The following PLD1 variants were observed in gnomAD, a reference collection of about 807,000 sequenced individuals.
PLD1 encodes the protein phospholipase D1.
PLD1 carries 112 observed loss-of-function variants against 137.1 expected under a neutral mutation model. That is an observed-to-expected ratio of 0.82 (90% CI 0.70 to 0.96). The LOEUF (loss-of-function observed/expected upper bound fraction) is 0.96. Among genes scored for constraint, PLD1 ranks in the 40% least tolerant of loss-of-function variants. The probability of loss-of-function intolerance (pLI) is 0.00; values close to 1 mark genes in which losing one functional copy is unlikely to be tolerated. For missense variants in PLD1, 1,321 were observed against 1,342.0 expected (o/e 0.98, Z 0.24); for synonymous variants, 431 against 454.7 (o/e 0.95, Z 0.66).
intron 1 of PLD1, among the ~76,000 whole-genome samples, chr3:171,763,759 C>A (rs1039084855): frequency 2.0e-5 from 3 of 149,946 alleles, no homozygotes; most frequent in Non-Finnish European, 4.4e-5. Context: ...TAAGCCAATT[C>A]AAATCCTTGG....
intron 12 of PLD1, among the ~76,000 whole-genome samples, chr3:171,694,057 C>T (rs764593517): frequency 3.7e-4 from 56 of 152,044 alleles, no homozygotes; most frequent in Admixed American, 9.2e-4. Flanking sequence ...CTAAAAAGCA[C>T]GTTTTGGACC....
At chr3:171,708,687 C>A in intron 11 of PLD1, 68 bp downstream of exon 11, 1 of 845,294 alleles carries the variant, frequency 1.2e-6, no homozygotes, top group Admixed American at 1.8e-5. Flanking sequence ...TCTTGAACAG[C>A]ACTATACCAC....
intron 19 of PLD1, among the ~76,000 whole-genome samples, chr3:171,668,751 T>G (rs1712422338): frequency 6.6e-6 from 1 of 152,204 alleles, no homozygotes; most frequent in African/African-American, 2.4e-5. Flanking sequence ...TAAAAAGGAT[T>G]GTTCCCATGT....
intron 26 of PLD1, among the ~76,000 whole-genome samples, chr3:171,604,990 C>G (rs1365054877): frequency 6.6e-6 from 1 of 152,196 alleles, no homozygotes; most frequent in East Asian, 1.9e-4. Context: ...CCATCTGCCC[C>G]TCTTCTCTTT....
At chr3:171,699,647 T>C in intron 12 of PLD1, 98 bp downstream of exon 12, 1 of 827,278 alleles carries the variant, frequency 1.2e-6, no homozygotes, top group Non-Finnish European at 2.0e-6. Context: ...AACTCTAAAG[T>C]GAAAAGTTAT....
chr3:171,670,339 C>A (rs998701880), intron 19 of PLD1, among the ~76,000 whole-genome samples: 11 of 152,072 alleles, frequency 7.2e-5, no homozygotes, highest in African/African-American at 2.7e-4. Flanking sequence ...CTCCAAATAC[C>A]CTGAGGCCTC....
At chr3:171,646,293 T>C (rs1736206116) in intron 21 of PLD1, among the ~76,000 whole-genome samples, 1 of 152,252 alleles carries the variant, frequency 6.6e-6, no homozygotes, top group Non-Finnish European at 1.5e-5. Flanking sequence ...AGTCCGATCC[T>C]ACTTAAACTT....
chr3:171,656,285 C>G (rs12106843), intron 21 of PLD1, among the ~76,000 whole-genome samples: 7 of 151,982 alleles, frequency 4.6e-5, no homozygotes, highest in Admixed American at 3.9e-4. Context: ...GTTCTCCTAC[C>G]GCAGCCACCT....
intron 26 of PLD1, among the ~76,000 whole-genome samples, chr3:171,603,802 A>G (rs949858860): frequency 1.3e-5 from 2 of 152,218 alleles, no homozygotes; most frequent in Non-Finnish European, 2.9e-5. Context: ...GAATAAGGAC[A>G]TGTGCCTATA....
chr3:171,632,514 G>A (rs1231493412), intron 23 of PLD1, among the ~76,000 whole-genome samples: 2 of 151,988 alleles, frequency 1.3e-5, no homozygotes, highest in African/African-American at 4.8e-5. Context: ...GAATGTCCTT[G>A]TTTTCTCAGA....
intron 22 of PLD1, among the ~76,000 whole-genome samples, chr3:171,643,599 T>G (rs1457012524): frequency 6.6e-6 from 1 of 152,152 alleles, no homozygotes; most frequent in Non-Finnish European, 1.5e-5. Flanking sequence ...GCCAAATGTG[T>G]TATTTCATTC....
At chr3:171,628,109 G>T (rs13326409) in intron 23 of PLD1, among the ~76,000 whole-genome samples, 1 of 151,728 alleles carries the variant, frequency 6.6e-6, no homozygotes, top group African/African-American at 2.4e-5. Flanking sequence ...TTGATAGACC[G>T]CTAGCAAGAC....
At chr3:171,764,362 C>T (rs1002338939) in intron 1 of PLD1, among the ~76,000 whole-genome samples, 7 of 152,096 alleles carry the variant, frequency 4.6e-5, no homozygotes, top group Admixed American at 3.3e-4. Flanking sequence ...TTTTTATATA[C>T]ATTATTTCAT....
At chr3:171,746,153 C>T (rs1720155012) in intron 1 of PLD1, among the ~76,000 whole-genome samples, 1 of 152,226 alleles carries the variant, frequency 6.6e-6, no homozygotes, top group African/African-American at 2.4e-5. Context: ...GCCTGCCATG[C>T]CCGAGCCCCT....
At chr3:171,777,876 G>A (rs568216931) in intron 1 of PLD1, among the ~76,000 whole-genome samples, 12 of 152,250 alleles carry the variant, frequency 7.9e-5, no homozygotes, top group Admixed American at 2.0e-4. Flanking sequence ...TATGCCTTGC[G>A]ACTTTCTATT....
chr3:171,677,566 C>A lies in PLD1; in HGVS notation c.1996G>T (p.Asp666Tyr), dbSNP rs1037170438. Residue 666 changes from aspartate to tyrosine, a missense_variant and splice_region_variant, in exon 17 of 27, where the codon GAT (aspartate) becomes TAT (tyrosine). Asp to Tyr is a radical substitution (Grantham distance 160). Coordinates refer to ENST00000351298, the MANE Select transcript of PLD1 (RefSeq NM_002662.5). The stretch of plus-strand genomic sequence containing the variant: ...AGCACCCCACCATTATGATACTCAC[C>A]AGCAAAAGGTTTATCAAGTTGAACC... ...DWVQLDKPFA[D>Y]FIDRYSTPRM... The A allele has an allele frequency of 1.2e-6, 2 of 1,613,106 alleles. No homozygotes were observed. Among genetic ancestry groups the A allele is most frequent in the African/African-American group, 2.7e-5 (2 of 74,880 alleles).
At chr3:171,606,754 G>T (rs975962077) in intron 25 of PLD1, among the ~76,000 whole-genome samples, 5 of 152,048 alleles carry the variant, frequency 3.3e-5, no homozygotes, top group Non-Finnish European at 7.4e-5. Flanking sequence ...GAAATTTATT[G>T]AACCAATTAT....
chr3:171,781,260 A>G (rs1026431575), intron 1 of PLD1, among the ~76,000 whole-genome samples: 3 of 151,912 alleles, frequency 2.0e-5, no homozygotes, highest in Admixed American at 1.3e-4. Context: ...AAAAAACTAA[A>G]TATCTATATA....
At chr3:171,615,365 G>A (rs1385999524) in intron 24 of PLD1, among the ~76,000 whole-genome samples, 1 of 152,142 alleles carries the variant, frequency 6.6e-6, no homozygotes, top group Non-Finnish European at 1.5e-5. Flanking sequence ...TCTAAAAATT[G>A]TGAATATGGC....
Sources: gnomAD v4.1 joint callset for allele counts (sites outside exome capture counted in the v4.1 genomes callset) on GRCh38, gnomAD v4.1.1 for gene constraint, MANE v1.5 for transcripts, NCBI Gene and HGNC (gene_info 2026-07-23, HGNC 2026-07-21) for gene names.